SLC4A1: variants seen among roughly 807,000 people sequenced by gnomAD.
SLC4A1 encodes solute carrier family 4 member 1 (Diego blood group).
A neutral mutation model predicts 93.1 loss-of-function variants in SLC4A1; 29 were observed. The ratio of observed to expected loss-of-function variants is 0.31; its 90% confidence interval spans 0.23 to 0.42. The LOEUF (loss-of-function observed/expected upper bound fraction) is 0.42. Among genes scored for constraint, SLC4A1 ranks in the 20% least tolerant of loss-of-function variants. The probability of loss-of-function intolerance (pLI) is 1.00; values close to 1 mark genes in which losing one functional copy is unlikely to be tolerated. For missense variants in SLC4A1, 965 were observed against 1,190.1 expected, an observed-to-expected ratio of 0.81 and a Z score of 2.78; for synonymous variants, 469 against 497.2, an observed-to-expected ratio of 0.94 and a Z score of 0.76.
At position 44,249,394 on chromosome 17, in the gene SLC4A1, G is replaced by C; in HGVS notation, c.*1064C>G. 3.5e-6 allele frequency: 1 copy of C among 285,650 alleles called. No homozygotes were observed. Among genetic ancestry groups the C allele is most frequent in the South Asian group, 2.8e-5 (1 of 36,032 alleles). The allele number at this position is 285,650 out of a possible 1,614,324, so 17.7% of individuals were successfully genotyped here. A position where few individuals can be genotyped will look rare whatever the true frequency, so the allele number is the denominator to read the frequency against. Reference sequence around the variant, plus strand: ...TGAGGGGCCTGAAGTTGTGTGTGAAGCCAAACTATGTTGAAAACTCTTAGA... The same window carrying C: ...TGAGGGGCCTGAAGTTGTGTGTGAACCCAAACTATGTTGAAAACTCTTAGA... On this transcript the variant is annotated 3_prime_UTR_variant, in exon 20 of 20. Transcript: ENST00000262418.
At position 44,257,527 on chromosome 17, in the gene SLC4A1, A is replaced by G. The variant is rs749220588; in HGVS notation, c.1449T>C (p.Gly483=). The G allele has an allele frequency of 6.2e-6, 10 of 1,613,870 alleles. No individual in the cohort carries two copies. In the South Asian group the frequency reaches 1.1e-4, roughly 18 times the overall value. Residue 483 remains glycine (G), a synonymous_variant, in exon 13 of 20, where the codon GGT becomes GGC. Coordinates refer to ENST00000262418, the MANE Select transcript of SLC4A1 (RefSeq NM_000342.4). Reference sequence around the variant, plus strand: ...ACACGCGGCCCACGATGTACTCTAGACCGTTGGTCTCGCAGAACTGCAGGG... The same window carrying G: ...ACACGCGGCCCACGATGTACTCTAGGCCGTTGGTCTCGCAGAACTGCAGGG... The part of the protein sequence containing the change: ...EAFFSFCETN[G]LEYIVGRVWI...
chr17:44,255,831 G>A lies in SLC4A1; in HGVS notation c.1642C>T (p.Pro548Ser), dbSNP rs1337883145. The A allele has an allele frequency of 6.2e-7, 1 of 1,614,022 alleles. No homozygotes were observed. Among genetic ancestry groups the A allele is most frequent in the Non-Finnish European group, 8.5e-7 (1 of 1,180,022 alleles). Residue 548 changes from proline (P) to serine (S), a missense_variant, in exon 14 of 20, where the codon CCA becomes TCA. This residue lies in a region of SLC4A1 where 770 missense variants were observed against 1,006.6 expected (regional missense o/e 0.76). Coordinates refer to ENST00000262418, the MANE Select transcript of SLC4A1 (RefSeq NM_000342.4). Reference sequence around the variant, plus strand: ...TTGTAGTTATAAGTCTTCTGTAGTGGGTGGTCCTGGAAGATCTGCAGCAGA... The same window carrying A: ...TTGTAGTTATAAGTCTTCTGTAGTGAGTGGTCCTGGAAGATCTGCAGCAGA... Reference protein sequence around the residue: ...SKLIKIFQDHPLQKTYNYNVL... With the variant: ...SKLIKIFQDHSLQKTYNYNVL...
At position 44,251,600 on chromosome 17, in the gene SLC4A1, C is replaced by A. The variant is rs1213018069; in HGVS notation, c.2312-12G>T. The A allele has an allele frequency of 3.1e-6, 5 of 1,613,462 alleles. No homozygotes were observed. In the African/African-American group the frequency reaches 4.0e-5, roughly 13 times the overall value. ...GAGGATGGACAGGCCTGTGGGGGAG[C>A]CGCACACTCTCAGCCCAGGTTGCCC... On this transcript the variant is annotated splice_polypyrimidine_tract_variant and intron_variant, in intron 17 of 19. Transcript: ENST00000262418.
At chr17:44,262,799 C>T (rs569142516) in intron 2 of SLC4A1, 53 bp downstream of exon 2, 7 of 1,610,036 alleles carry the variant, frequency 4.3e-6, no homozygotes, top group Middle Eastern at 1.7e-4. Flanking sequence ...AGTCTAGGAC[C>T]AGGTCCCCAG....
In SLC4A1 at chr17:44,258,641, G is replaced by C. The variant is rs1200210596; in HGVS notation, c.877-18C>G. 1.3e-6 allele frequency: 2 copies of C among 1,567,148 alleles called. No homozygotes were observed. The highest frequency in any genetic ancestry group is 1.7e-6 in the Non-Finnish European group (2 of 1,157,280). On this transcript the variant is annotated intron_variant, in intron 9 of 19. Transcript: ENST00000262418. This position sits in a 1 kb window ranked among gnomAD's most constrained non-coding sequence, Gnocchi z 6.1. The stretch of plus-strand genomic sequence containing the variant: ...CGGAACACCTAGGGGCAGGAGACAG[G>C]GTCAGAGCTGCCCGGACCTGCGGAG...
chr17:44,260,306 G>C (rs368960447), intron 6 of SLC4A1, 98 bp downstream of exon 6: 12 of 1,479,938 alleles, frequency 8.1e-6, no homozygotes, highest in Non-Finnish European at 1.0e-5. Flanking sequence ...GCCTGGTGAG[G>C]GTAGGGCCAC....
chr17:44,260,864 T>C (rs780488216), intron 4 of SLC4A1, 49 bp from the exon 5 acceptor site: 4 of 1,595,762 alleles, frequency 2.5e-6, no homozygotes, highest in East Asian at 2.2e-5. Flanking sequence ...GTCCAGGGCA[T>C]AGTGGGTGCT....
Position 44,260,506 on chromosome 17 carries a change from A to G in SLC4A1, c.383T>C (p.Leu128Pro). Reference protein sequence around the residue: ...TVLLDLQETSLAGVANQLLDR... With the variant: ...TVLLDLQETSPAGVANQLLDR... ...TAGCAGTTGGTTGGCCACTCCAGCC[A>G]GGGAGGTCTCTTGCAGGTCTAGGAG... Residue 128 changes from leucine to proline, a missense_variant, in exon 6 of 20, where the codon CTG becomes CCG. Leu to Pro is a moderately conservative substitution (Grantham distance 98). Around this residue, in one of 2 missense-constraint regions of SLC4A1, gnomAD observed 195 missense variants for 183.5 expected, o/e 1.06. Coordinates refer to ENST00000262418, the MANE Select transcript of SLC4A1 (RefSeq NM_000342.4). 6.2e-7 allele frequency: 1 copy of G among 1,614,218 alleles called. No homozygotes were observed. Among genetic ancestry groups the G allele is most frequent in the Non-Finnish European group, 8.5e-7 (1 of 1,180,018 alleles).
In SLC4A1 at chr17:44,251,319, C is replaced by A. The variant is rs5025; in HGVS notation, c.2495G>T (p.Arg832Leu). ...CTGGATGCCCGTGAATAAGTGCATG[C>A]GCCAGGTCTTCACCTGCAGGCGGAG... Reference protein sequence around the residue: ...VPYVKRVKTWRMHLFTGIQII... With the variant: ...VPYVKRVKTWLMHLFTGIQII... Residue 832 changes from arginine to leucine, a missense_variant, in exon 19 of 20, where the codon CGC (arginine) becomes CTC (leucine). Physicochemically the swap from Arg to Leu is moderately radical, Grantham distance 102. Around this residue, in one of 2 missense-constraint regions of SLC4A1, gnomAD observed 770 missense variants for 1,006.6 expected, o/e 0.76. Coordinates refer to ENST00000262418, the MANE Select transcript of SLC4A1 (RefSeq NM_000342.4). The A allele has an allele frequency of 6.2e-7, 1 of 1,614,208 alleles. No homozygotes were observed. The highest frequency in any genetic ancestry group is 1.7e-5 in the Admixed American group (1 of 60,024).
At position 44,255,762 on chromosome 17, in the gene SLC4A1, C is replaced by A. The variant is rs1427615024; in HGVS notation, c.1711G>T (p.Ala571Ser). Residue 571 changes from alanine (A) to serine (S), a missense_variant, in exon 14 of 20, where the codon GCC becomes TCC. Transcript: ENST00000262418. ...GCCATGAGCACAAGGGAGAGGAGGGCTGTGTTGGGCAGGGGGCCCTGAGGT... is the reference window on the plus strand; with the variant it reads ...GCCATGAGCACAAGGGAGAGGAGGGATGTGTTGGGCAGGGGGCCCTGAGGT... ...PKPQGPLPNT[A>S]LLSLVLMAGT... 1 of 1,614,102 alleles carries A rather than the reference C, an allele frequency of 6.2e-7. No homozygotes were observed. The highest frequency in any genetic ancestry group is 1.1e-5 in the South Asian group (1 of 91,072).
At chr17:44,256,331 G>A (rs1480447684) in intron 13 of SLC4A1, among the ~76,000 whole-genome samples, 1 of 152,256 alleles carries the variant, frequency 6.6e-6, no homozygotes, top group Non-Finnish European at 1.5e-5. Context: ...CAATGGGTGT[G>A]TGTGCGAGCA....
intron 12 of SLC4A1, 21 bp downstream of exon 12, chr17:44,257,638 G>C: frequency 3.1e-6 from 5 of 1,613,640 alleles, no homozygotes; most frequent in Non-Finnish European, 4.2e-6. Context: ...GACAGGGTCA[G>C]TGGGGCAAGG....
At chr17:44,257,259 T>C (rs1019578355) in intron 13 of SLC4A1, 91 bp downstream of exon 13, 5 of 1,318,574 alleles carry the variant, frequency 3.8e-6, no homozygotes, top group Non-Finnish European at 5.5e-6. Context: ...CCCAAAGTTC[T>C]GAGATTACAG....
chr17:44,262,004 C>T (rs1159822739), intron 3 of SLC4A1: 5 of 1,199,676 alleles, frequency 4.2e-6, no homozygotes, highest in Non-Finnish European at 2.1e-6. Flanking sequence ...CCTCTGAGAC[C>T]AGACTCCCTT....
At chr17:44,251,670 G>C in intron 17 of SLC4A1, 82 bp from the exon 18 acceptor site, 1 of 1,256,246 alleles carries the variant, frequency 8.0e-7, no homozygotes, top group Non-Finnish European at 1.2e-6. Flanking sequence ...CTGGGGCTGG[G>C]AATAAAACAC....
At chr17:44,257,272 C>T in intron 13 of SLC4A1, 78 bp downstream of exon 13, 1 of 1,439,920 alleles carries the variant, frequency 6.9e-7, no homozygotes, top group Non-Finnish European at 9.8e-7. Context: ...GATTACAGGC[C>T]TGAGCCCTCG....
chr17:44,254,460 CACCCT>C, intron 16 of SLC4A1, 31 bp downstream of exon 16: 2 of 1,288,930 alleles, frequency 1.6e-6, no homozygotes, highest in East Asian at 2.5e-5. Context: ...CCCTGCCTCC[CACCCT>C]CCCAGGCCCA....
In SLC4A1 at chr17:44,257,359, C is replaced by G. The variant is rs2047398157; in HGVS notation, c.1617G>C (p.Lys539Asn). 6.2e-7 allele frequency: 1 copy of G among 1,613,952 alleles called. No homozygotes were observed. Among genetic ancestry groups the G allele is most frequent in the Non-Finnish European group, 8.5e-7 (1 of 1,179,986 alleles). The change falls in exon 13 of 20, where the codon AAG becomes AAC. Residue 539 changes from lysine to asparagine, a missense_variant. Physicochemically the swap from Lys to Asn is moderately conservative, Grantham distance 94. Coordinates refer to ENST00000262418, the MANE Select transcript of SLC4A1 (RefSeq NM_000342.4). ...CCCCATAGGCCCCCACCTTGATCAG[C>G]TTGGAGAAAGTCTCATAGATGAAGA... ...SLIFIYETFS[K>N]LIKIFQDHPL...
chr17:44,259,948 G>T lies in SLC4A1; in HGVS notation c.486-16C>A. On this transcript the variant is annotated splice_polypyrimidine_tract_variant and intron_variant, in intron 6 of 19. Transcript: ENST00000262418. ...TCCAGCGTGGCTGCAGGACGTACAG[G>T]GGACATGGGCTGAGTAAGCTGTTCA... is the stretch of plus-strand genomic sequence containing the variant. 1 of 1,613,284 alleles carries T rather than the reference G, an allele frequency of 6.2e-7. No individual in the cohort carries two copies. The highest frequency in any genetic ancestry group is 8.5e-7 in the Non-Finnish European group (1 of 1,180,010).
Sources: gnomAD v4.1 joint callset for allele counts (sites outside exome capture counted in the v4.1 genomes callset) on GRCh38, gnomAD v4.1.1 for gene constraint, gnomAD v4.1.1 regional missense constraint, Gnocchi (gnomAD v3.1) non-coding constraint, MANE v1.5 for transcripts, NCBI Gene and HGNC (gene_info 2026-07-23, HGNC 2026-07-21) for gene names.